Variants in NMNAT2 observed in about 807,000 individuals in gnomAD.
NMNAT2 encodes the protein nicotinamide/nicotinic acid mononucleotide adenylyltransferase 2.
A neutral mutation model predicts 41.6 loss-of-function variants in NMNAT2; 11 were observed. The observed-to-expected ratio is 0.26, with a 90% confidence interval of 0.17 to 0.44. The LOEUF (loss-of-function observed/expected upper bound fraction) is 0.44. NMNAT2 is among the 20% of genes least tolerant of loss of function. The probability of loss-of-function intolerance (pLI) is 1.00; values close to 1 mark genes in which losing one functional copy is unlikely to be tolerated. For synonymous variants in NMNAT2, 148 were observed against 151.2 expected (o/e 0.98, Z 0.16); for missense variants, 288 against 407.7 (o/e 0.71, Z 2.53).
In NMNAT2 at chr1:183,323,686, T is replaced by C. The variant is rs1348094287; in HGVS notation, c.86-29893A>G. On this transcript the variant is annotated intron_variant, in intron 1 of 10. Coordinates refer to ENST00000287713, the MANE Select transcript of NMNAT2 (RefSeq NM_015039.4). ...TGCTCCATTAGTATGGGTGAGCTGA[T>C]TTAGGCAGGATGTGGATCTGAGATA... 9.2e-5 allele frequency among the ~76,000 whole-genome samples: 14 copies of C among 152,164 alleles called. 1 individual carries two copies. The highest frequency in any genetic ancestry group is 1.3e-4 in the Non-Finnish European group (9 of 68,020).
At position 183,252,755 on chromosome 1, in the gene NMNAT2, G is replaced by T; in HGVS notation, c.822-12C>A. 6.2e-7 allele frequency: 1 copy of T among 1,605,598 alleles called. No individual in the cohort carries two copies. Among genetic ancestry groups the T allele is most frequent in the Non-Finnish European group, 8.5e-7 (1 of 1,172,376 alleles). ...GCTGCAGGGCCAGCCTGCACAAGAA[G>T]AGATGACAATCAGATGGACATCCAC... On this transcript the variant is annotated splice_polypyrimidine_tract_variant and intron_variant, in intron 10 of 10. Coordinates refer to ENST00000287713, the MANE Select transcript of NMNAT2 (RefSeq NM_015039.4).
At chr1:183,286,993 T>C (rs1239753150) in intron 4 of NMNAT2, among the ~76,000 whole-genome samples, 2 of 151,992 alleles carry the variant, frequency 1.3e-5, no homozygotes. Context: ...AGATGTGGTG[T>C]TATAATGGGT....
chr1:183,286,854 A>T (rs1661414563), intron 4 of NMNAT2, 66 bp from the exon 5 acceptor site: 1 of 1,538,140 alleles, frequency 6.5e-7, no homozygotes. Context: ...GTTATCTCCA[A>T]GTGGTCATCT....
intron 1 of NMNAT2, 22 bp from the exon 2 acceptor site, chr1:183,293,815 C>T (rs1395325655): frequency 6.4e-7 from 1 of 1,550,522 alleles, no homozygotes; most frequent in Non-Finnish European, 8.9e-7. Flanking sequence ...AAGAAACCCA[C>T]ACATTATAAA....
intron 1 of NMNAT2, among the ~76,000 whole-genome samples, chr1:183,297,677 G>A (rs542177516): frequency 2.6e-5 from 4 of 152,214 alleles, no homozygotes; most frequent in Non-Finnish European, 5.9e-5. Flanking sequence ...CACCATGCCC[G>A]GCCTAGGAAA....
chr1:183,329,947 C>T (rs1662545666), intron 1 of NMNAT2, among the ~76,000 whole-genome samples: 1 of 152,210 alleles, frequency 6.6e-6, no homozygotes, highest in African/African-American at 2.4e-5. Flanking sequence ...TACTGACTTC[C>T]AGTTCTGTGC....
At chr1:183,264,024 G>C (rs1378080978) in intron 8 of NMNAT2, among the ~76,000 whole-genome samples, 1 of 152,074 alleles carries the variant, frequency 6.6e-6, no homozygotes, top group East Asian at 1.9e-4. Context: ...GAAAAGAAAG[G>C]AGGACAGGAG....
intron 1 of NMNAT2, among the ~76,000 whole-genome samples, chr1:183,413,475 A>G (rs1472385186): frequency 2.0e-5 from 3 of 152,110 alleles, no homozygotes; most frequent in South Asian, 2.1e-4. Context: ...ATGAGACTCT[A>G]CTATGCCACA....
chr1:183,254,522 C>G (rs1403852354), intron 10 of NMNAT2, among the ~76,000 whole-genome samples: 1 of 152,056 alleles, frequency 6.6e-6, no homozygotes, highest in African/African-American at 2.4e-5. Flanking sequence ...ACTGGAGCCT[C>G]AAACTCCTGG....
At chr1:183,318,003 A>T (rs1315738093) in intron 1 of NMNAT2, among the ~76,000 whole-genome samples, 7 of 152,254 alleles carry the variant, frequency 4.6e-5, no homozygotes, top group African/African-American at 1.7e-4. Context: ...AAGGAGCTGT[A>T]ATAGCCAAAA....
chr1:183,325,575 C>T (rs1177562945), intron 1 of NMNAT2, among the ~76,000 whole-genome samples: 2 of 152,192 alleles, frequency 1.3e-5, no homozygotes, highest in South Asian at 2.1e-4. Flanking sequence ...GTAGACCCAA[C>T]GTTTTACACC....
chr1:183,291,410 G>T (rs1286059521), intron 3 of NMNAT2, among the ~76,000 whole-genome samples: 1 of 152,118 alleles, frequency 6.6e-6, no homozygotes, highest in African/African-American at 2.4e-5. Context: ...CCCTGGGAGC[G>T]CACCTGTGCC....
intron 1 of NMNAT2, among the ~76,000 whole-genome samples, chr1:183,407,583 T>C (rs1018076150): frequency 5.3e-5 from 8 of 152,202 alleles, no homozygotes; most frequent in Non-Finnish European, 8.8e-5. Context: ...CCTTAGGAGA[T>C]ACAAAAAACC....
In NMNAT2 at chr1:183,286,773, T is replaced by C. The variant is rs41314643; in HGVS notation, c.337A>G (p.Ile113Val). Residue 113 changes from isoleucine (I) to valine (V), a missense_variant, in exon 5 of 11, where the codon ATC (isoleucine) becomes GTC (valine). Around this residue, in one of 3 missense-constraint regions of NMNAT2, gnomAD observed 100 missense variants for 168.5 expected, o/e 0.59. Transcript: ENST00000287713. The part of the protein sequence containing the change: ...RDLMKRVTGC[I>V]LSNVNTPSMT... ...GAAGGTGTGTTGACATTGGAGAGGA[T>C]GCAGCCAGTCACCCTCTAGGGAGAG... The C allele has an allele frequency of 0.013, 20,982 of 1,610,304 alleles. 161 individuals are homozygous for C. Among genetic ancestry groups the C allele is most frequent in the Non-Finnish European group, 0.014 (17,006 of 1,178,386 alleles).
intron 1 of NMNAT2, among the ~76,000 whole-genome samples, chr1:183,397,099 T>C (rs1648670690): frequency 6.6e-6 from 1 of 152,164 alleles, no homozygotes; most frequent in Non-Finnish European, 1.5e-5. Context: ...GGCAGGAGAA[T>C]GGAAAATATG....
chr1:183,268,275 T>G (rs484462), intron 8 of NMNAT2, among the ~76,000 whole-genome samples: 1 of 152,166 alleles, frequency 6.6e-6, no homozygotes, highest in South Asian at 2.1e-4. Flanking sequence ...TTGCCCTGCC[T>G]TGCTGGATTT....
intron 8 of NMNAT2, among the ~76,000 whole-genome samples, chr1:183,263,276 C>G (rs967296483): frequency 1.3e-5 from 2 of 152,212 alleles, no homozygotes; most frequent in African/African-American, 4.8e-5. Flanking sequence ...CAGAGCATTG[C>G]ACAACACACT....
In NMNAT2 at chr1:183,341,724, C is replaced by CA. The variant is rs1557883660; in HGVS notation, c.86-47932_86-47931insT. ...AGAGGAAAAGACAAACAAACAAACA[C>CA]CAAAAAAAAAAAAAAAAAAAAAACC... is the stretch of plus-strand genomic sequence containing the variant. On this transcript the variant is annotated intron_variant, in intron 1 of 10. Transcript: ENST00000287713. Among the ~76,000 whole-genome samples, 32 of 15,840 alleles carry CA rather than the reference C, an allele frequency of 2.0e-3. 1 individual carries two copies. The highest frequency in any genetic ancestry group is 5.7e-3 in the African/African-American group (29 of 5,084). The allele number at this position is 15,840 out of a possible 152,430, so 10.4% of individuals were successfully genotyped here.
At chr1:183,303,059 G>T (rs557277561) in intron 1 of NMNAT2, among the ~76,000 whole-genome samples, 5 of 152,190 alleles carry the variant, frequency 3.3e-5, no homozygotes, top group Non-Finnish European at 7.3e-5. Flanking sequence ...CATTCCAGGG[G>T]GACAAAGCGA....
Sources: gnomAD v4.1 joint callset for allele counts (sites outside exome capture counted in the v4.1 genomes callset) on GRCh38, gnomAD v4.1.1 for gene constraint, gnomAD v4.1.1 regional missense constraint, MANE v1.5 for transcripts, NCBI Gene and HGNC (gene_info 2026-07-23, HGNC 2026-07-21) for gene names.